The following SYNCRIP variants were observed in gnomAD, a reference collection of about 807,000 sequenced individuals.
SYNCRIP encodes the protein synaptotagmin binding cytoplasmic RNA interacting protein, also known as heterogeneous nuclear ribonucleoprotein Q.
SYNCRIP carries 9 observed loss-of-function variants against 68.9 expected under a neutral mutation model. The ratio of observed to expected loss-of-function variants is 0.13; its 90% confidence interval spans 0.08 to 0.23. The LOEUF (loss-of-function observed/expected upper bound fraction) is 0.23, where lower values mean the gene tolerates loss of function less well. Ranked by LOEUF, SYNCRIP falls within the 10% of genes least tolerant of loss-of-function variation. SYNCRIP has a pLI of 1.00. For missense variants in SYNCRIP, 414 were observed against 770.6 expected (o/e 0.54, Z 5.48); for synonymous variants, 258 against 254.0 (o/e 1.02, Z -0.15).
chr6:85,613,400 CT>C (rs1266249181), downstream of SYNCRIP, among the ~76,000 whole-genome samples: 1 of 152,126 alleles, frequency 6.6e-6, no homozygotes, highest in Non-Finnish European at 1.5e-5. Context: ...TCACATGTAA[CT>C]TTATTGTCAG....
At chr6:85,630,147 G>A (rs1807561266) in intron 6 of SYNCRIP, among the ~76,000 whole-genome samples, 1 of 152,114 alleles carries the variant, frequency 6.6e-6, no homozygotes, top group African/African-American at 2.4e-5. Context: ...GGATCACGAG[G>A]TCAGGAGATA....
At chr6:85,613,057 C>T (rs1344988250), downstream of SYNCRIP, 17 of 1,022,828 alleles carry the variant, frequency 1.7e-5, no homozygotes, top group East Asian at 5.3e-4. Flanking sequence ...AAAAAGTTGC[C>T]TTTAATAACT....
At chr6:85,608,100 CA>C (rs1804972345), downstream of SYNCRIP, 1 of 152,038 alleles carries the variant, frequency 6.6e-6, no homozygotes, top group African/African-American at 2.4e-5. Context: ...ATATTTCCAT[CA>C]AAAATTAAGA....
chr6:85,643,599 C>T (rs1463955526), upstream of SYNCRIP, among the ~76,000 whole-genome samples: 1 of 150,602 alleles, frequency 6.6e-6, no homozygotes, highest in Non-Finnish European at 1.5e-5. Flanking sequence ...GGCATCTCCC[C>T]ACCCCGCCCC....
chr6:85,611,614 A>G (rs1012255922), downstream of SYNCRIP: 7 of 152,504 alleles, frequency 4.6e-5, no homozygotes, highest in Middle Eastern at 3.4e-3. Flanking sequence ...TTGGCAAAAA[A>G]ATTTTTGAGG....
At position 85,640,426 on chromosome 6, in the gene SYNCRIP, CACATTGACATTA is replaced by C. The variant is rs1808993614; in HGVS notation, c.267+8_267+19del. ...AAAACTACTCAAATTTTTTAATTTTCACATTGACATTAACATTACCTGAACATGAGAGAGATC... is the reference window on the plus strand; with the variant it reads ...AAAACTACTCAAATTTTTTAATTTTCACATTACCTGAACATGAGAGAGATC... On this transcript the variant is annotated splice_region_variant and intron_variant, in intron 3 of 10. Coordinates refer to ENST00000369622, the MANE Select transcript of SYNCRIP (RefSeq NM_006372.5). 1.3e-6 allele frequency: 2 copies of C among 1,588,970 alleles called. No homozygotes were observed. The highest frequency in any genetic ancestry group is 4.5e-5 in the East Asian group (2 of 44,612).
chr6:85,642,285 GGCCGCCCGCC>G (rs1809276258), intron 1 of SYNCRIP, among the ~76,000 whole-genome samples: 1 of 151,958 alleles, frequency 6.6e-6, no homozygotes, highest in Non-Finnish European at 1.5e-5. Context: ...GACGACCCCC[GGCCGCCCGCC>G]CGGCCGAGAC....
At chr6:85,623,766 T>C (rs528676656) in intron 7 of SYNCRIP, among the ~76,000 whole-genome samples, 2 of 152,288 alleles carry the variant, frequency 1.3e-5, no homozygotes, top group African/African-American at 4.8e-5. Flanking sequence ...CTGTATTCCC[T>C]ACTAACTTGT....
At chr6:85,618,352 C>A (rs1806008530) in intron 10 of SYNCRIP, among the ~76,000 whole-genome samples, 1 of 151,514 alleles carries the variant, frequency 6.6e-6, no homozygotes, top group East Asian at 1.9e-4. Context: ...ACCAACCTGG[C>A]CAACATGACG....
chr6:85,617,436 AAAAAG>A (rs1052766716), intron 10 of SYNCRIP, among the ~76,000 whole-genome samples: 2 of 152,160 alleles, frequency 1.3e-5, no homozygotes, highest in East Asian at 1.9e-4. Flanking sequence ...TGAAAGAAAT[AAAAAG>A]AAGTTATTTT....
intron 7 of SYNCRIP, 100 bp from the exon 8 acceptor site, chr6:85,622,787 A>C: frequency 1.1e-6 from 1 of 927,136 alleles, no homozygotes; most frequent in Non-Finnish European, 1.7e-6. Flanking sequence ...TATCAAAATG[A>C]AAAATCATCT....
downstream of SYNCRIP, chr6:85,611,392 A>G (rs1805230450): frequency 2.0e-5 from 3 of 152,552 alleles, no homozygotes; most frequent in Admixed American, 1.3e-4. Context: ...AACATATGAC[A>G]TGTCTGATTT....
chr6:85,619,286 C>T lies in SYNCRIP; in HGVS notation c.1140G>A (p.Glu380=), dbSNP rs1806125568. 1 of 1,613,816 alleles carries T rather than the reference C, an allele frequency of 6.2e-7. No homozygotes were observed. Among genetic ancestry groups the T allele is most frequent in the Non-Finnish European group, 8.5e-7 (1 of 1,179,988 alleles). The change falls in exon 9 of 11, where the codon GAG becomes GAA. Residue 380 remains glutamate (E), a synonymous_variant. Transcript: ENST00000369622. ...LKDYAFIHFD[E]RDGAVKAMEE... ...TATTTACCTTGACAGCACCATCTCG[C>T]TCATCAAAATGAATGAACGCATAAT... is the stretch of plus-strand genomic sequence containing the variant.
chr6:85,619,352 A>G lies in SYNCRIP; in HGVS notation c.1074T>C (p.Phe358=). The part of the protein sequence containing the change: ...TVTEEILEKA[F]SQFGKLERVK... ...CTCGTTCCAGTTTCCCAAACTGACT[A>G]AATGCCTTTTCTAAAATCTCTTCTG... Residue 358 remains phenylalanine, a synonymous_variant, in exon 9 of 11, where the codon TTT becomes TTC. Coordinates refer to ENST00000369622, the MANE Select transcript of SYNCRIP (RefSeq NM_006372.5). 1.9e-6 allele frequency: 3 copies of G among 1,614,024 alleles called. No individual in the cohort carries two copies. Among genetic ancestry groups the G allele is most frequent in the African/African-American group, 1.3e-5 (1 of 75,032 alleles).
chr6:85,619,087 T>C, intron 9 of SYNCRIP, 148 bp from the exon 10 acceptor site: 2 of 1,167,850 alleles, frequency 1.7e-6, no homozygotes, highest in Non-Finnish European at 2.4e-6. Context: ...AAGATGCAGA[T>C]ATTCAATTAT....
At chr6:85,612,944 A>T, downstream of SYNCRIP, 1 of 1,550,276 alleles carries the variant, frequency 6.5e-7, no homozygotes, top group Non-Finnish European at 8.7e-7. Flanking sequence ...AACAAAAGGA[A>T]TCAGTTAGAT....
chr6:85,643,558 T>A (rs1466933908), upstream of SYNCRIP, among the ~76,000 whole-genome samples: 2 of 145,602 alleles, frequency 1.4e-5, no homozygotes, highest in Non-Finnish European at 3.0e-5. Flanking sequence ...CGGCTCAGCG[T>A]GTCCCACTCG....
rs753313193 is a variant in SYNCRIP at position 85,636,987 on chromosome 6, C to T, written c.646G>A (p.Ala216Thr). The change falls in exon 6 of 11, where the codon GCT becomes ACT. Residue 216 changes from alanine (A) to threonine (T), a missense_variant. Around this residue, in one of 6 missense-constraint regions of SYNCRIP, gnomAD observed 110 missense variants for 269.3 expected, o/e 0.41. Transcript: ENST00000369622. Reference sequence around the variant, plus strand: ...CTTACCAGTTTAACAGCCTCCTGAGCTGCTTCTTTTGTACAAAAAGTGACA... The same window carrying T: ...CTTACCAGTTTAACAGCCTCCTGAGTTGCTTCTTTTGTACAAAAAGTGACA... ...AFVTFCTKEA[A>T]QEAVKLYNNH... 8 of 1,609,480 alleles carry T rather than the reference C, an allele frequency of 5.0e-6. No individual in the cohort carries two copies. The highest frequency in any genetic ancestry group is 6.8e-6 in the Non-Finnish European group (8 of 1,178,928).
chr6:85,627,087 G>C (rs1373870919), intron 6 of SYNCRIP, among the ~76,000 whole-genome samples: 1 of 151,878 alleles, frequency 6.6e-6, no homozygotes, highest in Non-Finnish European at 1.5e-5. Context: ...GCAACACAGT[G>C]AAACGCCGTC....
Sources: gnomAD v4.1 joint callset for allele counts (sites outside exome capture counted in the v4.1 genomes callset) on GRCh38, gnomAD v4.1.1 for gene constraint, gnomAD v4.1.1 regional missense constraint, MANE v1.5 for transcripts, NCBI Gene and HGNC (gene_info 2026-07-23, HGNC 2026-07-21) for gene names.